AVEN: variants seen among roughly 807,000 people sequenced by gnomAD.
The protein encoded by AVEN is cell death regulator Aven.
AVEN carries 41 observed loss-of-function variants against 38.1 expected under a neutral mutation model. The observed-to-expected ratio is 1.08, with a 90% CI of 0.84 to 1.40. AVEN has a LOEUF of 1.40. AVEN is among the 40% of genes most tolerant of loss of function. The probability of loss-of-function intolerance (pLI) is 0.00; values close to 1 mark genes in which losing one functional copy is unlikely to be tolerated. For synonymous variants in AVEN, 206 were observed against 171.8 expected (o/e 1.20, Z -1.56); for missense variants, 605 against 438.8 (o/e 1.38, Z -3.38).
chr15:34,038,186 A>G (rs1163657884), intron 1 of AVEN, among the ~76,000 whole-genome samples: 1 of 152,228 alleles, frequency 6.6e-6, no homozygotes, highest in Non-Finnish European at 1.5e-5. Context: ...CAGGCATAAT[A>G]AAAGAGAACT....
intron 11 of AVEN, chr15:33,859,697 C>T (rs1446531246): frequency 6.2e-7 from 1 of 1,612,586 alleles, no homozygotes; most frequent in Non-Finnish European, 8.5e-7. Context: ...CCTTTTTCTT[C>T]TTCGTCATTG....
chr15:33,859,555 C>G (rs750332561), intron 11 of AVEN: 57 of 1,613,284 alleles, frequency 3.5e-5, no homozygotes, highest in Non-Finnish European at 4.7e-5. Flanking sequence ...GCCTAAATCC[C>G]CCTTATTTTT....
intron 2 of AVEN, among the ~76,000 whole-genome samples, chr15:33,993,072 A>G (rs1459814473): frequency 6.6e-6 from 1 of 152,108 alleles, no homozygotes; most frequent in Non-Finnish European, 1.5e-5. Context: ...ACTGTTAAAC[A>G]TTTTTCTAAC....
chr15:33,918,612 CT>C lies in AVEN; in HGVS notation c.446-42618del, dbSNP rs567702744. ...CAGCCTCCTGCGCACACCACCAAGC[CT>C]GGCTAATTTTTTGTATTTTTAGCAG... On this transcript the variant is annotated intron_variant, in intron 2 of 5. Transcript: ENST00000306730. Among the ~76,000 whole-genome samples, 6 of 151,370 alleles carry C rather than the reference CT, an allele frequency of 4.0e-5. No individual in the cohort carries two copies. In the South Asian group the frequency reaches 1.3e-3, roughly 32 times the overall value.
intron 1 of AVEN, among the ~76,000 whole-genome samples, chr15:34,025,696 G>A (rs1461830853): frequency 6.6e-6 from 1 of 151,974 alleles, no homozygotes; most frequent in African/African-American, 2.4e-5. Context: ...CATATCCACC[G>A]CTCAAAGGTT....
chr15:33,870,464 T>C (rs1250614991), intron 4 of AVEN, among the ~76,000 whole-genome samples: 1 of 152,200 alleles, frequency 6.6e-6, no homozygotes, highest in Admixed American at 6.5e-5. Flanking sequence ...AAGCCATTCC[T>C]AACCACACCA....
At chr15:34,014,922 A>G (rs773245569) in intron 1 of AVEN, among the ~76,000 whole-genome samples, 1 of 152,150 alleles carries the variant, frequency 6.6e-6, no homozygotes, top group East Asian at 1.9e-4. Context: ...TAAAAGATAA[A>G]CAGAAAGGAA....
At chr15:33,955,422 G>A (rs1338054657) in intron 2 of AVEN, among the ~76,000 whole-genome samples, 2 of 152,180 alleles carry the variant, frequency 1.3e-5, no homozygotes, top group Admixed American at 1.3e-4. Context: ...CCCCTAATAT[G>A]TATAAATCTG....
intron 2 of AVEN, among the ~76,000 whole-genome samples, chr15:33,934,813 C>T (rs1893998309): frequency 1.3e-5 from 2 of 152,282 alleles, no homozygotes; most frequent in South Asian, 2.1e-4. Context: ...TGAGCTCTAT[C>T]ACTTTCCAAT....
intron 2 of AVEN, among the ~76,000 whole-genome samples, chr15:33,906,124 G>A (rs376895513): frequency 2.3e-4 from 35 of 152,270 alleles, no homozygotes; most frequent in East Asian, 1.2e-3. Context: ...ACAGGTCTAC[G>A]TTTCTCCCAA....
At chr15:33,931,420 G>C (rs1893844883) in intron 2 of AVEN, among the ~76,000 whole-genome samples, 1 of 118,248 alleles carries the variant, frequency 8.5e-6, no homozygotes, top group Non-Finnish European at 1.6e-5. Context: ...ACCCGGGCTG[G>C]AGTGCAGTGG....
chr15:33,867,933 A>T, intron 4 of AVEN, 78 bp from the exon 5 acceptor site: 1 of 1,484,434 alleles, frequency 6.7e-7, no homozygotes, highest in Non-Finnish European at 8.9e-7. Context: ...AGGAGGCTAA[A>T]CGAAGCCATC....
At chr15:34,008,006 A>G (rs924645226) in intron 1 of AVEN, among the ~76,000 whole-genome samples, 1 of 152,244 alleles carries the variant, frequency 6.6e-6, no homozygotes, top group African/African-American at 2.4e-5. Flanking sequence ...ATCTTTGATT[A>G]CATCTGCAAA....
chr15:33,859,446 C>A, intron 11 of AVEN: 1 of 909,982 alleles, frequency 1.1e-6, no homozygotes, highest in South Asian at 1.6e-5. Flanking sequence ...AATACTGGCA[C>A]CTCTGAAGAG....
At chr15:33,899,936 GT>G (rs61609189) in intron 2 of AVEN, among the ~76,000 whole-genome samples, 8,859 of 145,272 alleles carry the variant, frequency 0.061, 535 homozygotes, top group South Asian at 0.17. Flanking sequence ...TCACAGTTCA[GT>G]TTTTTTTTTT....
chr15:33,896,224 A>G (rs1357132761), intron 2 of AVEN, among the ~76,000 whole-genome samples: 1 of 152,220 alleles, frequency 6.6e-6, no homozygotes, highest in East Asian at 1.9e-4. Context: ...TGGCATGCAC[A>G]GACGCAGGAA....
chr15:33,854,933 G>A (rs1175956286), downstream of AVEN: 6 of 1,599,172 alleles, frequency 3.8e-6, no homozygotes, highest in African/African-American at 6.7e-5. Flanking sequence ...TACTGATGCA[G>A]AACAGAATGG....
chr15:33,993,640 T>C (rs775925529), intron 2 of AVEN, among the ~76,000 whole-genome samples: 2 of 152,172 alleles, frequency 1.3e-5, no homozygotes, highest in Admixed American at 6.5e-5. Context: ...TATGAGCTTA[T>C]AGAATAATTA....
At chr15:34,049,273 T>G (rs768076223) in intron 5 of AVEN, among the ~76,000 whole-genome samples, 1 of 152,144 alleles carries the variant, frequency 6.6e-6, no homozygotes, top group Non-Finnish European at 1.5e-5. Flanking sequence ...TAAAGGACCA[T>G]GTTGTAACCC....
Sources: gnomAD v4.1 joint callset for allele counts (sites outside exome capture counted in the v4.1 genomes callset) on GRCh38, gnomAD v4.1.1 for gene constraint, MANE v1.5 for transcripts, NCBI Gene and HGNC (gene_info 2026-07-23, HGNC 2026-07-21) for gene names.